Variants in PUM1 observed in about 807,000 individuals in gnomAD.
PUM1 encodes the protein pumilio RNA binding family member 1.
In PUM1, 13 loss-of-function variants were observed where a neutral mutation model predicts 131.8. That is an observed-to-expected ratio of 0.10 (90% CI 0.06 to 0.16). The LOEUF (loss-of-function observed/expected upper bound fraction) is 0.16, where lower values mean the gene tolerates loss of function less well. Ranked by LOEUF, PUM1 falls within the 10% of genes least tolerant of loss-of-function variation. PUM1 has a pLI of 1.00. For synonymous variants in PUM1, 509 were observed against 556.5 expected, an observed-to-expected ratio of 0.91 and a Z score of 1.20; for missense variants, 961 against 1,512.4, an observed-to-expected ratio of 0.64 and a Z score of 6.05.
chr1:31,058,614 A>C (rs1419696036), intron 2 of PUM1, among the ~76,000 whole-genome samples: 1 of 148,824 alleles, frequency 6.7e-6, no homozygotes, highest in Non-Finnish European at 1.5e-5. Context: ...GTGAGCAGAG[A>C]TCGCGCCAGT....
intron 17 of PUM1, 136 bp from the exon 18 acceptor site, chr1:30,945,619 C>CAATG: frequency 1.1e-6 from 1 of 892,134 alleles, no homozygotes; most frequent in Non-Finnish European, 1.7e-6. Context: ...AGCTGTGGAA[C>CAATG]AATGACAACA....
chr1:31,004,522 T>G (rs979133183), intron 5 of PUM1, among the ~76,000 whole-genome samples: 1 of 152,066 alleles, frequency 6.6e-6, no homozygotes, highest in East Asian at 1.9e-4. Flanking sequence ...ATCCAAAGGG[T>G]AGATCTTGTT....
chr1:30,995,588 T>C (rs1360256331), intron 5 of PUM1, among the ~76,000 whole-genome samples: 1 of 152,072 alleles, frequency 6.6e-6, no homozygotes, highest in Non-Finnish European at 1.5e-5. Context: ...CTCTGTATAA[T>C]AGCATGACTC....
intron 14 of PUM1, among the ~76,000 whole-genome samples, chr1:30,957,152 C>T (rs187900142): frequency 6.8e-6 from 1 of 146,198 alleles, no homozygotes; most frequent in African/African-American, 2.6e-5. Context: ...ATATAGACAT[C>T]TCTGAAGTGA....
At chr1:30,976,656 T>A (rs1254221732) in intron 9 of PUM1, among the ~76,000 whole-genome samples, 1 of 152,202 alleles carries the variant, frequency 6.6e-6, no homozygotes, top group Non-Finnish European at 1.5e-5. Flanking sequence ...TAGAAAAGAT[T>A]AAGAAGCTGT....
At chr1:30,957,797 C>A (rs1570130049) in intron 14 of PUM1, among the ~76,000 whole-genome samples, 1 of 152,158 alleles carries the variant, frequency 6.6e-6, no homozygotes. Flanking sequence ...TTCCCATGGT[C>A]CCCAGTATCT....
At chr1:31,038,897 C>T (rs1369962552) in intron 2 of PUM1, among the ~76,000 whole-genome samples, 1 of 140,154 alleles carries the variant, frequency 7.1e-6, no homozygotes, top group African/African-American at 2.7e-5. Context: ...CTAAATACAG[C>T]AGTAATTATT....
At chr1:30,940,990 C>T (rs1020424935) in intron 20 of PUM1, among the ~76,000 whole-genome samples, 161 bp downstream of exon 20, 2 of 152,126 alleles carry the variant, frequency 1.3e-5, no homozygotes, top group Non-Finnish European at 2.9e-5. Flanking sequence ...ACTAAGGGAC[C>T]TCTCAGAGTT....
intron 21 of PUM1, chr1:30,935,735 T>C (rs932620561): frequency 2.5e-5 from 11 of 445,812 alleles, no homozygotes; most frequent in Non-Finnish European, 5.0e-5. Flanking sequence ...ATTACCGAAC[T>C]TTGTTCTCAG....
At chr1:30,938,434 A>C (rs1017907663) in intron 20 of PUM1, among the ~76,000 whole-genome samples, 1 of 152,036 alleles carries the variant, frequency 6.6e-6, no homozygotes, top group African/African-American at 2.4e-5. Flanking sequence ...TGTTATTTTC[A>C]GTAGAGATGG....
At chr1:31,008,300 T>C (rs1282144388) in intron 3 of PUM1, among the ~76,000 whole-genome samples, 1 of 152,190 alleles carries the variant, frequency 6.6e-6, no homozygotes, top group Non-Finnish European at 1.5e-5. Flanking sequence ...CTCTATAATC[T>C]ATCTCATGGA....
chr1:30,988,246 T>A (rs1354258555), intron 7 of PUM1, among the ~76,000 whole-genome samples: 1 of 152,194 alleles, frequency 6.6e-6, no homozygotes, highest in Non-Finnish European at 1.5e-5. Flanking sequence ...ACCAACTGAC[T>A]CATCAAAATC....
chr1:30,991,234 G>C lies in PUM1; in HGVS notation c.1158+1156C>G, dbSNP rs191428529. On this transcript the variant is annotated intron_variant, in intron 7 of 21. Coordinates refer to ENST00000426105, the MANE Select transcript of PUM1 (RefSeq NM_001020658.2). ...AGCACAGAGAGTCAATTCATATGGG[G>C]AGGCAGGCATACCTACTAAGAACTG... Among the ~76,000 whole-genome samples the C allele has an allele frequency of 6.2e-3, 943 of 152,282 alleles. 36 individuals carry two copies. The highest frequency in any genetic ancestry group is 0.057 in the Admixed American group (874 of 15,292).
chr1:30,950,780 G>A (rs933978775), intron 16 of PUM1, among the ~76,000 whole-genome samples: 2 of 152,170 alleles, frequency 1.3e-5, no homozygotes, highest in Non-Finnish European at 2.9e-5. Flanking sequence ...AGAATCGCTT[G>A]AACCCAGGCG....
At chr1:31,007,132 AAG>A (rs1264463581) in intron 3 of PUM1, 30 bp from the exon 4 acceptor site, 1 of 1,512,516 alleles carries the variant, frequency 6.6e-7, no homozygotes, top group African/African-American at 1.4e-5. Context: ...GATGCTTTTA[AAG>A]AATTCATAAA....
chr1:30,975,848 A>G (rs1641115022), intron 9 of PUM1, among the ~76,000 whole-genome samples: 1 of 152,074 alleles, frequency 6.6e-6, no homozygotes, highest in Admixed American at 6.6e-5. Flanking sequence ...ACGGGAGGCC[A>G]AGTTGGGTGG....
chr1:31,042,307 A>AAAATAAATAAATAAATAAATAAAT (rs202126375), intron 2 of PUM1, among the ~76,000 whole-genome samples: 1 of 137,740 alleles, frequency 7.3e-6, no homozygotes, highest in African/African-American at 3.0e-5. Flanking sequence ...CTCTGTATCA[A>AAAATAAATAAATAAATAAATAAAT]AAATAAATAA....
chr1:30,945,827 C>T (rs1296202505), intron 17 of PUM1, among the ~76,000 whole-genome samples: 1 of 151,446 alleles, frequency 6.6e-6, no homozygotes, highest in African/African-American at 2.4e-5. Flanking sequence ...GCTCTGTTAC[C>T]CAGGCTAGAG....
At chr1:30,995,294 A>G in intron 5 of PUM1, 74 bp from the exon 6 acceptor site, 1 of 1,479,096 alleles carries the variant, frequency 6.8e-7, no homozygotes, top group Non-Finnish European at 9.4e-7. Context: ...TGGGCACCAG[A>G]CTACACTAGA....
Sources: gnomAD v4.1 joint callset for allele counts (sites outside exome capture counted in the v4.1 genomes callset) on GRCh38, gnomAD v4.1.1 for gene constraint, MANE v1.5 for transcripts, NCBI Gene and HGNC (gene_info 2026-07-23, HGNC 2026-07-21) for gene names.